RAE1: variants seen among roughly 807,000 people sequenced by gnomAD.
RAE1 encodes the protein mRNA export factor RAE1.
A neutral mutation model predicts 52.7 loss-of-function variants in RAE1; 13 were observed. The observed-to-expected ratio is 0.25, with a 90% CI of 0.16 to 0.39. RAE1 has a LOEUF of 0.39. Ranked by LOEUF, RAE1 falls within the 10% of genes least tolerant of loss-of-function variation. RAE1 has a pLI of 1.00. For missense variants in RAE1, 262 were observed against 459.8 expected, an observed-to-expected ratio of 0.57 and a Z score of 3.93; for synonymous variants, 164 against 153.1, an observed-to-expected ratio of 1.07 and a Z score of -0.52.
At chr20:57,358,710 C>A in intron 4 of RAE1, 2 of 303,722 alleles carry the variant, frequency 6.6e-6, no homozygotes, top group South Asian at 1.3e-4. Context: ...ACTCTATTGT[C>A]GATATGGACT....
At chr20:57,355,015 CAT>C (rs757345567) in intron 3 of RAE1, among the ~76,000 whole-genome samples, 199 bp downstream of exon 3, 1 of 152,172 alleles carries the variant, frequency 6.6e-6, no homozygotes, top group Non-Finnish European at 1.5e-5. Context: ...AAAGCACAAT[CAT>C]ATGTGTTGCT....
chr20:57,366,728 CTTTGAATTGCCACAACT>C, intron 5 of RAE1, 62 bp from the exon 6 acceptor site: 3 of 1,357,884 alleles, frequency 2.2e-6, no homozygotes, highest in Non-Finnish European at 3.1e-6. Flanking sequence ...AGTTTCTTCC[CTTTGAATTGCCACAACT>C]AAAGCTGTTC....
chr20:57,363,180 T>G (rs543520078), intron 4 of RAE1, among the ~76,000 whole-genome samples: 1 of 152,348 alleles, frequency 6.6e-6, no homozygotes, highest in Admixed American at 6.5e-5. Flanking sequence ...CTCTGTCTCT[T>G]CCAGGCTTTT....
chr20:57,365,024 T>C (rs1213191433), intron 4 of RAE1, among the ~76,000 whole-genome samples: 2 of 152,172 alleles, frequency 1.3e-5, no homozygotes, highest in Non-Finnish European at 2.9e-5. Context: ...TTTATCAAAA[T>C]AAGAAAAAAA....
chr20:57,354,110 C>T lies in RAE1; in HGVS notation c.72C>T (p.Asp24=), dbSNP rs2066749964. The change falls in exon 2 of 12, where the codon GAC becomes GAT. Residue 24 remains aspartate, a synonymous_variant. Transcript: ENST00000395841. ...GTSMFGSATT[D]NHNPMKDIEV... ...GCATGTTTGGCAGTGCAACTACAGA[C>T]AATCACAATCCCATGAAGGTACCAC... is the stretch of plus-strand genomic sequence containing the variant. The T allele has an allele frequency of 6.2e-7, 1 of 1,613,858 alleles. No individual in the cohort carries two copies. Among genetic ancestry groups the T allele is most frequent in the Admixed American group, 1.7e-5 (1 of 59,998 alleles).
chr20:57,376,537 C>T (rs73291832), intron 11 of RAE1, among the ~76,000 whole-genome samples: 3,293 of 152,338 alleles, frequency 0.022, 109 homozygotes, highest in African/African-American at 0.075. Context: ...TTTTGAAATT[C>T]ACCCATGCTG....
At chr20:57,353,976 G>C in intron 1 of RAE1, 56 bp from the exon 2 acceptor site, 1 of 1,425,070 alleles carries the variant, frequency 7.0e-7, no homozygotes. Flanking sequence ...TCTTACCATT[G>C]CCTCTCAGTG....
chr20:57,361,524 G>T (rs1218837368), intron 4 of RAE1, among the ~76,000 whole-genome samples: 1 of 152,170 alleles, frequency 6.6e-6, no homozygotes, highest in South Asian at 2.1e-4. Flanking sequence ...GATTTATTCG[G>T]AAATAGTTCT....
chr20:57,356,451 C>T lies in RAE1; in HGVS notation c.201C>T (p.Arg67=). ...LIAGSWANDV[R]CWEVQDSGQT... is the part of the protein sequence containing the mutation. ...GAATTTTTTTGTTACTACAGGTTCG[C>T]TGCTGGGAAGTTCAAGACAGTGGAC... The change falls in exon 4 of 12, where the codon CGC becomes CGT. Residue 67 remains arginine, a synonymous_variant. Transcript: ENST00000395841. 1 of 1,611,776 alleles carries T rather than the reference C, an allele frequency of 6.2e-7. No homozygotes were observed. Among genetic ancestry groups the T allele is most frequent in the Non-Finnish European group, 8.5e-7 (1 of 1,178,430 alleles).
chr20:57,373,756 T>A lies in RAE1; in HGVS notation c.825+18T>A. 6.2e-7 allele frequency: 1 copy of A among 1,605,250 alleles called. No homozygotes were observed. The highest frequency in any genetic ancestry group is 8.5e-7 in the Non-Finnish European group (1 of 1,171,988). Reference sequence around the variant, plus strand: ...TTTATGCGGTACGTTTTTAGACACTTTAACCGTGGTAATACATCTGGAAAC... The same window carrying A: ...TTTATGCGGTACGTTTTTAGACACTATAACCGTGGTAATACATCTGGAAAC... On this transcript the variant is annotated intron_variant, in intron 10 of 11. Coordinates refer to ENST00000395841, the MANE Select transcript of RAE1 (RefSeq NM_003610.4).
intron 1 of RAE1, among the ~76,000 whole-genome samples, chr20:57,353,098 G>A (rs548719921): frequency 2.4e-4 from 37 of 152,308 alleles, no homozygotes; most frequent in African/African-American, 8.7e-4. Context: ...TCAGCCATTT[G>A]GCTCCCTTTG....
intron 7 of RAE1, among the ~76,000 whole-genome samples, chr20:57,368,078 G>A (rs759634037): frequency 3.9e-5 from 6 of 152,212 alleles, no homozygotes; most frequent in Middle Eastern, 3.4e-3. Context: ...TAGTAGAGAC[G>A]GGGTTTCACA....
chr20:57,372,681 C>T (rs987405727), intron 8 of RAE1: 3 of 152,274 alleles, frequency 2.0e-5, no homozygotes, highest in Non-Finnish European at 4.4e-5. Flanking sequence ...AAACGTGCAT[C>T]ACCAGCAGCT....
rs1568794739 is a variant in RAE1 at position 57,374,772 on chromosome 20, G to A, written c.991G>A (p.Ala331Thr). ...CCFNHNGNIF[A>T]YASSYDWSKG... Reference sequence around the variant, plus strand: ...TTTCAATCACAATGGAAACATATTTGCATACGCTTCCAGCTACGACTGGTC... The same window carrying A: ...TTTCAATCACAATGGAAACATATTTACATACGCTTCCAGCTACGACTGGTC... The change falls in exon 11 of 12, where the codon GCA becomes ACA. Residue 331 changes from alanine to threonine, a missense_variant. Ala to Thr is a moderately conservative substitution (Grantham distance 58). Transcript: ENST00000395841. The A allele has an allele frequency of 6.2e-7, 1 of 1,614,176 alleles. No homozygotes were observed. Among genetic ancestry groups the A allele is most frequent in the Admixed American group, 1.7e-5 (1 of 60,028 alleles).
chr20:57,364,068 C>T (rs1054206913), intron 4 of RAE1, among the ~76,000 whole-genome samples: 2 of 152,132 alleles, frequency 1.3e-5, no homozygotes, highest in East Asian at 1.9e-4. Flanking sequence ...CGGAGCTACC[C>T]GGGAGAGAAA....
chr20:57,357,689 T>C (rs2066812611), intron 4 of RAE1: 1 of 152,206 alleles, frequency 6.6e-6, no homozygotes, highest in African/African-American at 2.4e-5. Context: ...ATTATGATAA[T>C]ATTCATGTAT....
At position 57,366,993 on chromosome 20, in the gene RAE1, C is replaced by G. The variant is rs748369500; in HGVS notation, c.463-15C>G. The G allele has an allele frequency of 6.2e-7, 1 of 1,604,712 alleles. No individual in the cohort carries two copies. On this transcript the variant is annotated splice_polypyrimidine_tract_variant and intron_variant, in intron 6 of 11. Transcript: ENST00000395841. Reference sequence around the variant, plus strand: ...TCTGAATGGTCACATACTGGCTTCTCTTTTTTGCTTTTAGTTTTGGGATAC... The same window carrying G: ...TCTGAATGGTCACATACTGGCTTCTGTTTTTTGCTTTTAGTTTTGGGATAC...
chr20:57,374,539 T>A lies in RAE1; in HGVS notation c.826-68T>A, dbSNP rs1006638028. On this transcript the variant is annotated intron_variant, in intron 10 of 11. Coordinates refer to ENST00000395841, the MANE Select transcript of RAE1 (RefSeq NM_003610.4). ...TTTGTTTCCTAACTCAAGCAGGAAG[T>A]GTGCGTGGGTGGAACCTTCTCTGCG... The A allele has an allele frequency of 5.1e-6, 7 of 1,383,606 alleles. No individual in the cohort carries two copies. In the South Asian group the frequency reaches 6.6e-5, roughly 13 times the overall value. The allele number at this position is 1,383,606 out of a possible 1,614,324, so 85.7% of individuals were successfully genotyped here. A position where few individuals can be genotyped will look rare whatever the true frequency, so the allele number is the denominator to read the frequency against.
intron 8 of RAE1, among the ~76,000 whole-genome samples, chr20:57,369,491 A>T (rs889313637): frequency 3.9e-5 from 6 of 152,228 alleles, no homozygotes; most frequent in African/African-American, 1.2e-4. Flanking sequence ...TTCTCTGCAG[A>T]TGCAGATCTC....
Sources: allele counts gnomAD v4.1 joint callset (sites outside exome capture counted in the v4.1 genomes callset), GRCh38; gene constraint gnomAD v4.1.1; transcripts MANE v1.5; gene names NCBI Gene and HGNC (gene_info 2026-07-23, HGNC 2026-07-21).